The following MTMR9 variants were observed in gnomAD, a reference collection of about 807,000 sequenced individuals.
The protein encoded by MTMR9 is myotubularin-related protein 9.
Under a neutral mutation model 69.5 loss-of-function variants are expected in MTMR9, and 39 were observed. The ratio of observed to expected loss-of-function variants is 0.56; its 90% CI spans 0.43 to 0.73. The LOEUF (loss-of-function observed/expected upper bound fraction) is 0.73, where lower values mean the gene tolerates loss of function less well. MTMR9 is among the 30% of genes least tolerant of loss of function. The pLI is 0.00. For synonymous variants in MTMR9, 354 were observed against 240.8 expected, an observed-to-expected ratio of 1.47 and a Z score of -4.35; for missense variants, 900 against 671.2, an observed-to-expected ratio of 1.34 and a Z score of -3.77.
Position 11,305,699 on chromosome 8 carries a change from A to G in MTMR9, c.592-491A>G, listed in dbSNP as rs141266098. Among the ~76,000 whole-genome samples the G allele has an allele frequency of 2.5e-3, 375 of 152,366 alleles. 1 individual carries two copies. Among genetic ancestry groups the G allele is most frequent in the African/African-American group, 8.2e-3 (341 of 41,592 alleles). ...GGTAGAGGCCACTGGAGAATACATA[A>G]TAGACAGTCAGCTTCTGAGGTAGTG... On this transcript the variant is annotated intron_variant, in intron 4 of 9. Transcript: ENST00000221086.
chr8:11,327,571 A>C lies in MTMR9; in HGVS notation c.*4783A>C, dbSNP rs1408390695. The C allele has an allele frequency of 5.9e-5, 9 of 152,642 alleles. No individual in the cohort carries two copies. Among genetic ancestry groups the C allele is most frequent in the African/African-American group, 1.9e-4 (8 of 41,456 alleles). The allele number at this position is 152,642 out of a possible 1,614,324, so 9.5% of individuals were successfully genotyped here. Reference sequence around the variant, plus strand: ...ACCTTACTGATCTAATACCATCTACACAAAAAAATGTTGTAGTTGCAGAAC... The same window carrying C: ...ACCTTACTGATCTAATACCATCTACCCAAAAAAATGTTGTAGTTGCAGAAC... On this transcript the variant is annotated 3_prime_UTR_variant, in exon 10 of 10. Transcript: ENST00000221086.
chr8:11,297,579 C>T (rs958634322), intron 2 of MTMR9, among the ~76,000 whole-genome samples: 3 of 148,758 alleles, frequency 2.0e-5, no homozygotes, highest in South Asian at 4.3e-4. Context: ...GACCAGTCTT[C>T]GTTTTTCTTA....
At position 11,325,488 on chromosome 8, in the gene MTMR9, G is replaced by A. The variant is rs1394143096; in HGVS notation, c.*2700G>A. 6.6e-6 allele frequency: 1 copy of A among 152,224 alleles called. No homozygotes were observed. Among genetic ancestry groups the A allele is most frequent in the South Asian group, 2.1e-4 (1 of 4,824 alleles). 9.4% of individuals were successfully genotyped at this position (152,224 alleles called of 1,614,324 possible). A position where few individuals can be genotyped will look rare whatever the true frequency, so the allele number is the denominator to read the frequency against. ...GAGGGGCCGGTAATAATCACGTGAG[G>A]GATAATCAGATTCCTGCGTATTCAG... On this transcript the variant is annotated 3_prime_UTR_variant, in exon 10 of 10. Coordinates refer to ENST00000221086, the MANE Select transcript of MTMR9 (RefSeq NM_015458.4).
At chr8:11,287,716 A>T (rs1423149560) in intron 1 of MTMR9, among the ~76,000 whole-genome samples, 1 of 135,964 alleles carries the variant, frequency 7.4e-6, no homozygotes, top group Non-Finnish European at 1.5e-5. Context: ...TATATATTAT[A>T]ATATATATTA....
chr8:11,321,272 G>C (rs58342342), intron 9 of MTMR9: 1 of 379,216 alleles, frequency 2.6e-6, no homozygotes, highest in African/African-American at 2.1e-5. Flanking sequence ...TGACTGCTCA[G>C]AACTTCTCTT....
intron 2 of MTMR9, among the ~76,000 whole-genome samples, chr8:11,295,817 T>C (rs1423689505): frequency 6.6e-6 from 1 of 152,178 alleles, no homozygotes; most frequent in Non-Finnish European, 1.5e-5. Flanking sequence ...TAGATACAGT[T>C]AGAATTGCTT....
chr8:11,326,468 T>TG lies in MTMR9; in HGVS notation c.*3680_*3681insG, dbSNP rs1800934035. The TG allele has an allele frequency of 3.2e-5, 4 of 123,956 alleles. No homozygotes were observed. Among genetic ancestry groups the TG allele is most frequent in the East Asian group, 3.9e-4 (1 of 2,544 alleles). The allele number at this position is 123,956 out of a possible 1,614,324, so 7.7% of individuals were successfully genotyped here. On this transcript the variant is annotated 3_prime_UTR_variant, in exon 10 of 10. Coordinates refer to ENST00000221086, the MANE Select transcript of MTMR9 (RefSeq NM_015458.4). ...AAGTCATTCAGTACATCTGATAAAG[T>TG]TTTGTTGTTGTTGTTGTTGTTGTTG...
At chr8:11,296,986 T>C (rs1171819918) in intron 2 of MTMR9, among the ~76,000 whole-genome samples, 1 of 152,342 alleles carries the variant, frequency 6.6e-6, no homozygotes, top group East Asian at 1.9e-4. Context: ...CTTTCCATTC[T>C]AACCAACTAT....
intron 2 of MTMR9, among the ~76,000 whole-genome samples, 185 bp downstream of exon 2, chr8:11,295,487 G>C (rs1799522564): frequency 7.7e-6 from 1 of 129,226 alleles, no homozygotes; most frequent in Admixed American, 7.8e-5. Context: ...ACTTCCAGCA[G>C]TGTCTGGTGT....
intron 4 of MTMR9, among the ~76,000 whole-genome samples, 189 bp downstream of exon 4, chr8:11,305,203 G>C (rs1799894658): frequency 1.3e-5 from 2 of 152,142 alleles, no homozygotes; most frequent in African/African-American, 4.8e-5. Context: ...ATGTGATGCT[G>C]AATTCTTTCC....
downstream of MTMR9, chr8:11,331,597 G>A (rs1186381953): frequency 1.9e-6 from 3 of 1,613,682 alleles, no homozygotes; most frequent in Admixed American, 1.7e-5. Flanking sequence ...GGACTGTTGG[G>A]CAGCATCCTA....
chr8:11,287,020 T>C (rs1799187953), intron 1 of MTMR9, among the ~76,000 whole-genome samples: 1 of 152,232 alleles, frequency 6.6e-6, no homozygotes, highest in East Asian at 1.9e-4. Flanking sequence ...AAATAAAATA[T>C]GTTACAGTTC....
At chr8:11,299,127 A>G (rs1258397612) in intron 2 of MTMR9, among the ~76,000 whole-genome samples, 1 of 152,186 alleles carries the variant, frequency 6.6e-6, no homozygotes, top group Non-Finnish European at 1.5e-5. Flanking sequence ...CAGGAGTTCA[A>G]GTCTGGCCTG....
At chr8:11,331,882 A>C (rs749535771), downstream of MTMR9, 4 of 1,611,818 alleles carry the variant, frequency 2.5e-6, no homozygotes, top group South Asian at 4.4e-5. Context: ...GTGGGGGCAG[A>C]GGGGATCCTC....
At chr8:11,311,482 G>C (rs149166615) in intron 6 of MTMR9, among the ~76,000 whole-genome samples, 194 of 152,210 alleles carry the variant, frequency 1.3e-3, no homozygotes, top group African/African-American at 4.5e-3. Flanking sequence ...TTAATATTTG[G>C]TTTTCTAGTG....
chr8:11,304,046 T>C (rs761290299), intron 3 of MTMR9, among the ~76,000 whole-genome samples: 8 of 151,458 alleles, frequency 5.3e-5, no homozygotes, highest in Non-Finnish European at 8.8e-5. Context: ...AATTTACATA[T>C]AATTTGATTT....
intron 1 of MTMR9, among the ~76,000 whole-genome samples, chr8:11,292,903 A>C (rs1298670551): frequency 1.3e-5 from 2 of 152,218 alleles, no homozygotes; most frequent in East Asian, 3.8e-4. Context: ...CATACATCAC[A>C]TAATATTTAT....
intron 1 of MTMR9, among the ~76,000 whole-genome samples, chr8:11,287,049 C>G (rs1290064862): frequency 2.6e-5 from 4 of 152,216 alleles, no homozygotes; most frequent in Non-Finnish European, 5.9e-5. Flanking sequence ...CAGGAGTTCA[C>G]AGGCAATGAG....
intron 1 of MTMR9, among the ~76,000 whole-genome samples, chr8:11,290,226 G>C (rs560795189): frequency 6.6e-6 from 1 of 152,020 alleles, no homozygotes; most frequent in Non-Finnish European, 1.5e-5. Flanking sequence ...CTTTGTATAT[G>C]CTTGTGAGCA....
Sources: gnomAD v4.1 joint callset for allele counts (sites outside exome capture counted in the v4.1 genomes callset) on GRCh38, gnomAD v4.1.1 for gene constraint, MANE v1.5 for transcripts, NCBI Gene and HGNC (gene_info 2026-07-23, HGNC 2026-07-21) for gene names.